The following C19orf47 variants were observed in gnomAD, a reference collection of about 807,000 sequenced individuals.
The protein encoded by C19orf47 is uncharacterized protein C19orf47.
In C19orf47, 18 loss-of-function variants were observed where a neutral mutation model predicts 32.3. The observed-to-expected ratio is 0.56, with a 90% CI of 0.39 to 0.83. The LOEUF (loss-of-function observed/expected upper bound fraction) is 0.83, where lower values mean the gene tolerates loss of function less well. Ranked by LOEUF, C19orf47 falls within the 40% of genes least tolerant of loss-of-function variation. The probability of loss-of-function intolerance (pLI) is 0.00; values close to 1 mark genes in which losing one functional copy is unlikely to be tolerated. For missense variants in C19orf47, 484 were observed against 531.6 expected (o/e 0.91, Z 0.88); for synonymous variants, 202 against 211.1 (o/e 0.96, Z 0.37).
Position 40,336,098 on chromosome 19 carries a change from C to A in C19orf47, c.222+12G>T. 1 of 1,612,250 alleles carries A rather than the reference C, an allele frequency of 6.2e-7. No homozygotes were observed. Among genetic ancestry groups the A allele is most frequent in the Non-Finnish European group, 8.5e-7 (1 of 1,178,470 alleles). On this transcript the variant is annotated intron_variant, in intron 4 of 8. Coordinates refer to ENST00000683109, the MANE Select transcript of C19orf47 (RefSeq NM_001256441.2). The stretch of plus-strand genomic sequence containing the variant: ...CAAACCCAGAGACAGAGGGGCTGGG[C>A]ACAGCACCCACCTGACGGTGCACCA...
chr19:40,324,287 A>G (rs1357115766), intron 7 of C19orf47: 3 of 595,102 alleles, frequency 5.0e-6, no homozygotes, highest in Admixed American at 5.7e-5. Context: ...AAGACCAGCT[A>G]CAAGTGGCAG....
chr19:40,345,847 T>C (rs1370712068), intron 1 of C19orf47, among the ~76,000 whole-genome samples: 1 of 45,694 alleles, frequency 2.2e-5, no homozygotes, highest in Non-Finnish European at 4.0e-5. Flanking sequence ...AGACTCAGTC[T>C]CAAAAAAAAA....
chr19:40,333,573 C>T (rs993136785), intron 5 of C19orf47, among the ~76,000 whole-genome samples: 1 of 152,168 alleles, frequency 6.6e-6, no homozygotes, highest in African/African-American at 2.4e-5. Context: ...ATAGGAGCAA[C>T]GGATTCTCCA....
intron 2 of C19orf47, among the ~76,000 whole-genome samples, chr19:40,338,285 ACACAC>A (rs1448699749): frequency 1.3e-5 from 2 of 149,362 alleles, no homozygotes; most frequent in African/African-American, 2.5e-5. Context: ...ACACACACAC[ACACAC>A]AAATATATAT....
intron 6 of C19orf47, among the ~76,000 whole-genome samples, chr19:40,328,094 G>T (rs1206279092): frequency 6.6e-6 from 1 of 152,112 alleles, no homozygotes; most frequent in African/African-American, 2.4e-5. Flanking sequence ...ACAAGTAGGG[G>T]GCTCGGTGAA....
chr19:40,302,452 CA>C, the C19orf47 span, among the ~76,000 whole-genome samples: 1 of 152,098 alleles, frequency 6.6e-6, no homozygotes, highest in Non-Finnish European at 1.5e-5. Flanking sequence ...CGTGTGCCAC[CA>C]CGTCTGATTT....
At chr19:40,323,889 AAGGC>A in intron 8 of C19orf47, 113 bp downstream of exon 8, 1 of 1,251,308 alleles carries the variant, frequency 8.0e-7, no homozygotes, top group Non-Finnish European at 1.2e-6. Context: ...TGAGGCTGGA[AAGGC>A]AGGTTAGACG....
chr19:40,321,496 T>G lies in C19orf47; in HGVS notation c.*386A>C. The G allele has an allele frequency of 9.9e-7, 1 of 1,015,096 alleles. No individual in the cohort carries two copies. The allele number at this position is 1,015,096 out of a possible 1,614,324, so 62.9% of individuals were successfully genotyped here. A position where few individuals can be genotyped will look rare whatever the true frequency, so the allele number is the denominator to read the frequency against. Reference sequence around the variant, plus strand: ...GGAGGCCCACCAGGTGACACCCACTTAGTTGAGGGGGACAGGGAGGCTGAT... The same window carrying G: ...GGAGGCCCACCAGGTGACACCCACTGAGTTGAGGGGGACAGGGAGGCTGAT... On this transcript the variant is annotated 3_prime_UTR_variant, in exon 9 of 9. Coordinates refer to ENST00000683109, the MANE Select transcript of C19orf47 (RefSeq NM_001256441.2).
chr19:40,294,568 G>C, the C19orf47 span, among the ~76,000 whole-genome samples: 1 of 152,154 alleles, frequency 6.6e-6, no homozygotes, highest in African/African-American at 2.4e-5. Context: ...AGGCCTCAAA[G>C]ACTGGTGAGT....
At chr19:40,343,046 A>G (rs1381418084) in intron 1 of C19orf47, among the ~76,000 whole-genome samples, 2 of 152,130 alleles carry the variant, frequency 1.3e-5, no homozygotes, top group Non-Finnish European at 2.9e-5. Context: ...AACTAAAGGA[A>G]ATAACTTTTT....
the C19orf47 span, among the ~76,000 whole-genome samples, chr19:40,311,949 G>A: frequency 7.2e-5 from 11 of 152,264 alleles, no homozygotes; most frequent in South Asian, 1.2e-3. Context: ...GAGCCACCAT[G>A]CCCGGCCCAA....
chr19:40,307,814 T>C, the C19orf47 span, among the ~76,000 whole-genome samples: 1 of 152,002 alleles, frequency 6.6e-6, no homozygotes, highest in African/African-American at 2.4e-5. Context: ...GCTTTTTTTT[T>C]TTGAGACAGT....
intron 8 of C19orf47, among the ~76,000 whole-genome samples, chr19:40,323,097 G>A (rs1168964792): frequency 2.0e-5 from 3 of 152,194 alleles, no homozygotes; most frequent in African/African-American, 4.8e-5. Flanking sequence ...CTCGCTATGC[G>A]CCCAGCTCTT....
At position 40,323,734 on chromosome 19, in the gene C19orf47, G is replaced by T. The variant is rs546602729; in HGVS notation, c.663+272C>A. On this transcript the variant is annotated intron_variant, in intron 8 of 8. Transcript: ENST00000683109. Reference sequence around the variant, plus strand: ...GCCCTCAGATGGGGGCCCAGGAGAGGGCTGACTTGGGGAAAGACACTAAGA... The same window carrying T: ...GCCCTCAGATGGGGGCCCAGGAGAGTGCTGACTTGGGGAAAGACACTAAGA... Among the ~76,000 whole-genome samples, 295 of 152,290 alleles carry T rather than the reference G, an allele frequency of 1.9e-3. 1 individual carries two copies. Among genetic ancestry groups the T allele is most frequent in the Non-Finnish European group, 1.9e-3 (128 of 68,024 alleles).
At chr19:40,296,055 A>G in the C19orf47 span, among the ~76,000 whole-genome samples, 1 of 151,872 alleles carries the variant, frequency 6.6e-6, no homozygotes, top group Non-Finnish European at 1.5e-5. Context: ...CCACTCATGT[A>G]AATTAAATAC....
chr19:40,323,468 G>A (rs956866734), intron 8 of C19orf47, among the ~76,000 whole-genome samples: 1 of 152,240 alleles, frequency 6.6e-6, no homozygotes, highest in African/African-American at 2.4e-5. Context: ...GGCCGCGGCA[G>A]GAAGTACAGG....
Position 40,321,117 on chromosome 19 carries a change from G to T in C19orf47, c.*765C>A. On this transcript the variant is annotated 3_prime_UTR_variant, in exon 9 of 9. Transcript: ENST00000683109. Reference sequence around the variant, plus strand: ...GCAGCTGTCTTCACTCTAGGCACTGGCCTCCCTTCCCAGTGCCCCTTGCCC... The same window carrying T: ...GCAGCTGTCTTCACTCTAGGCACTGTCCTCCCTTCCCAGTGCCCCTTGCCC... 2 of 477,400 alleles carry T rather than the reference G, an allele frequency of 4.2e-6. No homozygotes were observed. The highest frequency in any genetic ancestry group is 5.5e-6 in the Non-Finnish European group (2 of 364,202). The allele number at this position is 477,400 out of a possible 1,614,324, so 29.6% of individuals were successfully genotyped here.
intron 7 of C19orf47, 64 bp downstream of exon 7, chr19:40,326,270 C>A: frequency 5.6e-6 from 9 of 1,595,844 alleles, no homozygotes; most frequent in Non-Finnish European, 7.7e-6. Context: ...TATGACGGGC[C>A]CTGTGTGATG....
downstream of C19orf47, among the ~76,000 whole-genome samples, chr19:40,318,307 C>G (rs2077676898): frequency 6.6e-6 from 1 of 152,158 alleles, no homozygotes; most frequent in African/African-American, 2.4e-5. Flanking sequence ...TCCCTGGGGT[C>G]AAACTCAGTC....
Sources: allele counts gnomAD v4.1 joint callset (sites outside exome capture counted in the v4.1 genomes callset), GRCh38; gene constraint gnomAD v4.1.1; transcripts MANE v1.5; gene names NCBI Gene and HGNC (gene_info 2026-07-23, HGNC 2026-07-21).